Variants in USP34 observed in about 807,000 individuals in gnomAD.
USP34 encodes the protein ubiquitin carboxyl-terminal hydrolase 34.
A neutral mutation model predicts 460.3 loss-of-function variants in USP34; 70 were observed. The ratio of observed to expected loss-of-function variants is 0.15; its 90% confidence interval spans 0.13 to 0.19. USP34 has a LOEUF of 0.19. USP34 is among the 10% of genes least tolerant of loss of function. The probability of loss-of-function intolerance (pLI) is 1.00; values close to 1 mark genes in which losing one functional copy is unlikely to be tolerated. For missense variants in USP34, 3,985 were observed against 4,236.2 expected (o/e 0.94, Z 1.65); for synonymous variants, 1,647 against 1,405.3 (o/e 1.17, Z -3.85).
intron 3 of USP34, among the ~76,000 whole-genome samples, chr2:61,405,118 A>T (rs1693829330): frequency 6.6e-6 from 1 of 151,486 alleles, no homozygotes; most frequent in South Asian, 2.1e-4. Flanking sequence ...CTGTAATCCC[A>T]ACTACTTGGG....
At chr2:61,412,026 C>T (rs1403913000) in intron 2 of USP34, among the ~76,000 whole-genome samples, 1 of 151,554 alleles carries the variant, frequency 6.6e-6, no homozygotes, top group Non-Finnish European at 1.5e-5. Context: ...CCCGTCTCCA[C>T]TAAAAATACA....
At chr2:61,192,574 G>C (rs1356635327) in intron 76 of USP34, among the ~76,000 whole-genome samples, 1 of 152,208 alleles carries the variant, frequency 6.6e-6, no homozygotes, top group African/African-American at 2.4e-5. Flanking sequence ...AGGAGAGGAA[G>C]AAGTGGCAAG....
At chr2:61,206,909 G>A (rs948945323) in intron 70 of USP34, 23 bp from the exon 71 acceptor site, 1 of 1,605,778 alleles carries the variant, frequency 6.2e-7, no homozygotes, top group South Asian at 1.1e-5. Flanking sequence ...TGAAAAAATT[G>A]AAAACTTAAT....
chr2:61,190,206 A>T, intron 78 of USP34, 65 bp downstream of exon 78: 1 of 1,518,084 alleles, frequency 6.6e-7, no homozygotes. Context: ...AAATCATATG[A>T]AGGCCACACA....
intron 34 of USP34, 130 bp from the exon 35 acceptor site, chr2:61,285,087 ATATT>A: frequency 1.6e-6 from 1 of 613,844 alleles, no homozygotes; most frequent in Non-Finnish European, 2.8e-6. Context: ...AATTATTTTG[ATATT>A]TATCTATAAC....
chr2:61,205,887 C>A (rs779202560), intron 72 of USP34, 130 bp downstream of exon 72: 1 of 630,836 alleles, frequency 1.6e-6, no homozygotes, highest in Non-Finnish European at 2.8e-6. Context: ...TTAGGACCTG[C>A]TAGCTAGTGT....
intron 1 of USP34, among the ~76,000 whole-genome samples, chr2:61,449,794 G>A (rs775020601): frequency 4.0e-5 from 6 of 149,678 alleles, no homozygotes; most frequent in Non-Finnish European, 6.0e-5. Flanking sequence ...ATCAGCCGGC[G>A]CGGTGGCTCA....
In USP34 at chr2:61,347,277, A is replaced by AAAT. The variant is rs982527891; in HGVS notation, c.2285+590_2285+592dup. ...AGACTTGGTAAGAAAAAAAGGAAGGAAATACCTTAGTAATTTTTATACTTA... is the reference window on the plus strand; with the variant it reads ...AGACTTGGTAAGAAAAAAAGGAAGGAAATAATACCTTAGTAATTTTTATACTTA... On this transcript the variant is annotated intron_variant, in intron 15 of 79. Transcript: ENST00000398571. Among the ~76,000 whole-genome samples, 58 of 152,358 alleles carry AAAT rather than the reference A, an allele frequency of 3.8e-4. 1 individual carries two copies. Among genetic ancestry groups the AAAT allele is most frequent in the African/African-American group, 1.4e-3 (58 of 41,586 alleles).
intron 57 of USP34, among the ~76,000 whole-genome samples, 191 bp from the exon 58 acceptor site, chr2:61,232,723 TGG>T (rs956492184): frequency 1.7e-4 from 26 of 152,230 alleles, no homozygotes; most frequent in Non-Finnish European, 2.9e-4. Flanking sequence ...CACAACTCCA[TGG>T]AATGCCATTT....
chr2:61,334,503 T>C (rs1182819020), intron 18 of USP34, among the ~76,000 whole-genome samples: 9 of 152,038 alleles, frequency 5.9e-5, no homozygotes, highest in East Asian at 5.8e-4. Context: ...GGAAAGGAGG[T>C]TGGCTGCATG....
intron 1 of USP34, among the ~76,000 whole-genome samples, chr2:61,427,499 C>A (rs896388216): frequency 6.6e-6 from 1 of 152,176 alleles, no homozygotes. Context: ...AATAAGGCAT[C>A]AGGGACCAAT....
At chr2:61,224,844 T>C (rs1048237369) in intron 62 of USP34, among the ~76,000 whole-genome samples, 2 of 151,130 alleles carry the variant, frequency 1.3e-5, no homozygotes, top group African/African-American at 4.8e-5. Context: ...GAAACCTCCG[T>C]AAGTTGGCTC....
intron 51 of USP34, among the ~76,000 whole-genome samples, chr2:61,242,458 T>TACACACACAC (rs67471702): frequency 0.018 from 2,339 of 129,678 alleles, 62 homozygotes; most frequent in African/African-American, 0.044. Flanking sequence ...AGATAATACA[T>TACACACACAC]ACACACACAC....
At position 61,300,958 on chromosome 2, in the gene USP34, T is replaced by G; in HGVS notation, c.4121A>C (p.Asp1374Ala). The change falls in exon 29 of 80, where the codon GAT becomes GCT. Residue 1374 changes from aspartate (D) to alanine (A), a missense_variant. By Grantham distance (126) the Asp-to-Ala change is moderately radical. This residue lies in a region of USP34 where 1,114 missense variants were observed against 1,122.5 expected (regional missense o/e 0.99). Transcript: ENST00000398571. Reference protein sequence around the residue: ...KPPSGKVAVDDSESLRCEELH... With the variant: ...KPPSGKVAVDASESLRCEELH... The stretch of plus-strand genomic sequence containing the variant: ...AAAATGAAACATAGTCACCTCACTA[T>G]CATCCACTGCCACTTTTCCTGAGGG... 6.2e-7 allele frequency: 1 copy of G among 1,610,128 alleles called. No homozygotes were observed. Among genetic ancestry groups the G allele is most frequent in the Non-Finnish European group, 8.5e-7 (1 of 1,177,844 alleles).
intron 1 of USP34, among the ~76,000 whole-genome samples, chr2:61,429,230 G>A (rs1411154300): frequency 6.6e-6 from 1 of 151,706 alleles, no homozygotes; most frequent in South Asian, 2.1e-4. Flanking sequence ...GGCGGATCAC[G>A]AGGTCAGGAG....
intron 75 of USP34, among the ~76,000 whole-genome samples, chr2:61,195,265 CA>C (rs1686764676): frequency 6.6e-6 from 1 of 151,554 alleles, no homozygotes; most frequent in South Asian, 2.1e-4. Flanking sequence ...AGGCTGGTCT[CA>C]AACTCCTGGC....
At chr2:61,301,636 C>T (rs1268590526) in intron 27 of USP34, among the ~76,000 whole-genome samples, 182 bp from the exon 28 acceptor site, 1 of 152,218 alleles carries the variant, frequency 6.6e-6, no homozygotes, top group African/African-American at 2.4e-5. Context: ...GTCCTTTTAG[C>T]TGCCTACACC....
intron 2 of USP34, among the ~76,000 whole-genome samples, chr2:61,413,199 T>C (rs1694094256): frequency 6.6e-6 from 1 of 151,524 alleles, no homozygotes; most frequent in African/African-American, 2.4e-5. Flanking sequence ...ATTGAGACCA[T>C]CCTGGCCAAC....
rs192224921 is a variant in USP34 at position 61,343,607 on chromosome 2, T to C, written c.2500+208A>G. The stretch of plus-strand genomic sequence containing the variant: ...TTTCTTTCCCCGCTGAATATCTCAA[T>C]AGAACTGCAGGACTTATTTATATTC... On this transcript the variant is annotated intron_variant, in intron 16 of 79. Transcript: ENST00000398571. Among the ~76,000 whole-genome samples, 1,184 of 152,224 alleles carry C rather than the reference T, an allele frequency of 7.8e-3. 56 individuals carry two copies. The highest frequency in any genetic ancestry group is 0.07 in the Admixed American group (1,067 of 15,278).
Sources: gnomAD v4.1 joint callset for allele counts (sites outside exome capture counted in the v4.1 genomes callset) on GRCh38, gnomAD v4.1.1 for gene constraint, gnomAD v4.1.1 regional missense constraint, MANE v1.5 for transcripts, NCBI Gene and HGNC (gene_info 2026-07-23, HGNC 2026-07-21) for gene names.